Variants in FAT4 observed in about 807,000 individuals in gnomAD.
The protein encoded by FAT4 is FAT atypical cadherin 4.
A neutral mutation model predicts 303.9 loss-of-function variants in FAT4; 84 were observed. The observed-to-expected ratio is 0.28, with a 90% CI of 0.23 to 0.33. The LOEUF (loss-of-function observed/expected upper bound fraction) is 0.33, where lower values mean the gene tolerates loss of function less well. Among genes scored for constraint, FAT4 ranks in the 10% least tolerant of loss-of-function variants. The probability of loss-of-function intolerance (pLI) is 1.00; values close to 1 mark genes in which losing one functional copy is unlikely to be tolerated. For synonymous variants in FAT4, 2,307 were observed against 2,298.8 expected (o/e 1.00, Z -0.10); for missense variants, 6,005 against 6,146.8 (o/e 0.98, Z 0.77).
chr4:125,318,750 C>T lies in FAT4; in HGVS notation c.2339C>T (p.Thr780Ile). The change falls in exon 2 of 18, where the codon ACC becomes ATC. Residue 780 changes from threonine (T) to isoleucine (I), a missense_variant. Physicochemically the swap from Thr to Ile is moderately conservative, Grantham distance 89. Transcript: ENST00000394329. ...CAATCTCCCAACCAGGCAATAGTAA[C>T]CATCACTGTATTGGACACTCAAGAC... ...NLQSPNQAIV[T>I]ITVLDTQDNP... is the part of the protein sequence containing the mutation. The T allele has an allele frequency of 1.9e-6, 3 of 1,613,976 alleles. No homozygotes were observed. Among genetic ancestry groups the T allele is most frequent in the Non-Finnish European group, 2.5e-6 (3 of 1,179,906 alleles).
chr4:125,461,222 G>T (rs1172467351), intron 10 of FAT4, among the ~76,000 whole-genome samples: 1 of 151,482 alleles, frequency 6.6e-6, no homozygotes, highest in Non-Finnish European at 1.5e-5. Context: ...TTTTATACAG[G>T]GTTAAATAAG....
At chr4:125,421,139 T>A (rs930377452) in intron 7 of FAT4, among the ~76,000 whole-genome samples, 3 of 152,190 alleles carry the variant, frequency 2.0e-5, no homozygotes, top group African/African-American at 7.2e-5. Flanking sequence ...GCCAGGCTGG[T>A]CTCGAACCCC....
intron 10 of FAT4, among the ~76,000 whole-genome samples, chr4:125,460,117 C>A (rs953891079): frequency 3.9e-5 from 6 of 151,900 alleles, no homozygotes; most frequent in Admixed American, 2.6e-4. Flanking sequence ...TCTGCTATGG[C>A]AACCTCTGAG....
chr4:125,490,740 A>G lies in FAT4; in HGVS notation c.13924A>G (p.Lys4642Glu). Residue 4642 changes from lysine (K) to glutamate (E), a missense_variant, in exon 18 of 18, where the codon AAG (lysine) becomes GAG (glutamate). Transcript: ENST00000394329. The stretch of plus-strand genomic sequence containing the variant: ...GGATGCAGACATCATTCAACACTAC[A>G]AGCAGTTCCGCAGCCACACACCAAA... ...PSDADIIQHY[K>E]QFRSHTPKFS... 1 of 1,614,026 alleles carries G rather than the reference A, an allele frequency of 6.2e-7. No homozygotes were observed. The highest frequency in any genetic ancestry group is 8.5e-7 in the Non-Finnish European group (1 of 1,180,006).
intron 3 of FAT4, 97 bp from the exon 4 acceptor site, chr4:125,406,783 A>G: frequency 7.2e-7 from 1 of 1,389,260 alleles, no homozygotes; most frequent in African/African-American, 1.4e-5. Flanking sequence ...ACTTAAAGCC[A>G]AAAAGCCTTC....
At chr4:125,446,684 T>G (rs2126055032) in intron 9 of FAT4, 141 bp downstream of exon 9, 1 of 826,578 alleles carries the variant, frequency 1.2e-6, no homozygotes, top group East Asian at 2.9e-5. Context: ...GGTTGTTTTG[T>G]CTGATGGAAA....
intron 2 of FAT4, among the ~76,000 whole-genome samples, chr4:125,326,086 C>T (rs1321339427): frequency 6.6e-6 from 1 of 151,886 alleles, no homozygotes; most frequent in Non-Finnish European, 1.5e-5. Context: ...AAAAGAGCCA[C>T]TCGAAATAAT....
chr4:125,411,375 G>C (rs1363346219), intron 5 of FAT4, among the ~76,000 whole-genome samples: 1 of 151,960 alleles, frequency 6.6e-6, no homozygotes, highest in South Asian at 2.1e-4. Flanking sequence ...TGGCTTTGAT[G>C]GTTATTTCGT....
chr4:125,424,621 A>C (rs17009635), intron 7 of FAT4, among the ~76,000 whole-genome samples: 22,835 of 152,142 alleles, frequency 0.15, 1,878 homozygotes, highest in South Asian at 0.27. Flanking sequence ...TTGCTTTTTC[A>C]CAAAATGTTT....
At position 125,448,925 on chromosome 4, in the gene FAT4, G is replaced by A; in HGVS notation, c.7915G>A (p.Val2639Ile). The A allele has an allele frequency of 6.2e-7, 1 of 1,613,160 alleles. No homozygotes were observed. ...LDFEKIQKYV[V>I]WIEARDGGFP... ...TTTTGAAAAGATACAAAAATATGTT[G>A]TATGGATAGAGGCCAGAGACGGTGG... Residue 2639 changes from valine to isoleucine, a missense_variant, in exon 10 of 18, where the codon GTA becomes ATA. Val to Ile is a conservative substitution (Grantham distance 29). Coordinates refer to ENST00000394329, the MANE Select transcript of FAT4 (RefSeq NM_001291303.3).
At chr4:125,396,893 A>G (rs773142381) in intron 2 of FAT4, among the ~76,000 whole-genome samples, 1 of 149,610 alleles carries the variant, frequency 6.7e-6, no homozygotes. Flanking sequence ...TCTGAAGAAC[A>G]TTCATTACAT....
Position 125,490,724 on chromosome 4 carries a change from C to T in FAT4, c.13908C>T (p.Asp4636=), listed in dbSNP as rs759978355. The T allele has an allele frequency of 1.9e-6, 3 of 1,614,108 alleles. No individual in the cohort carries two copies. The South Asian group carries it at 3.3e-5, about 18-fold the overall frequency. The stretch of plus-strand genomic sequence containing the variant: ...GCAGCATCGCCCCTTCGGATGCAGA[C>T]ATCATTCAACACTACAAGCAGTTCC... ...NASSIAPSDA[D]IIQHYKQFRS... Residue 4636 remains aspartate, a synonymous_variant, in exon 18 of 18, where the codon GAC becomes GAT. Coordinates refer to ENST00000394329, the MANE Select transcript of FAT4 (RefSeq NM_001291303.3).
chr4:125,439,335 C>CT (rs748291081), intron 8 of FAT4, among the ~76,000 whole-genome samples: 5,939 of 139,964 alleles, frequency 0.042, 313 homozygotes, highest in African/African-American at 0.11. Flanking sequence ...GATTTCTTTT[C>CT]TTTTTTTTTT....
intron 6 of FAT4, 113 bp from the exon 7 acceptor site, chr4:125,416,335 T>A (rs1206712555): frequency 1.1e-6 from 1 of 933,434 alleles, no homozygotes; most frequent in Non-Finnish European, 1.6e-6. Flanking sequence ...TCTAAAAATA[T>A]ATCTTTGGAA....
At chr4:125,337,701 C>T (rs1731627549) in intron 2 of FAT4, among the ~76,000 whole-genome samples, 1 of 152,022 alleles carries the variant, frequency 6.6e-6, no homozygotes, top group South Asian at 2.1e-4. Context: ...TTAAGGATTA[C>T]TGTTATTACA....
chr4:125,406,325 T>C (rs981482839), intron 3 of FAT4, among the ~76,000 whole-genome samples: 1 of 152,188 alleles, frequency 6.6e-6, no homozygotes, highest in African/African-American at 2.4e-5. Flanking sequence ...GATTTATTTA[T>C]AGGCGTTCTA....
rs1265522395 is a variant in FAT4 at position 125,450,953 on chromosome 4, A to G, written c.9943A>G (p.Lys3315Glu). The change falls in exon 10 of 18, where the codon AAA becomes GAA. Residue 3315 changes from lysine (K) to glutamate (E), a missense_variant. By Grantham distance (56) the Lys-to-Glu change is moderately conservative. Transcript: ENST00000394329. ...YYFEISEAAP[K>E]GTIVGEVFAS... Reference sequence around the variant, plus strand: ...TTTTGAAATCTCAGAAGCAGCTCCTAAAGGTACTATTGTTGGAGAAGTGTT... The same window carrying G: ...TTTTGAAATCTCAGAAGCAGCTCCTGAAGGTACTATTGTTGGAGAAGTGTT... The G allele has an allele frequency of 2.5e-6, 4 of 1,614,122 alleles. No individual in the cohort carries two copies. The highest frequency in any genetic ancestry group is 3.4e-6 in the Non-Finnish European group (4 of 1,180,004).
chr4:125,481,681 A>G lies in FAT4; in HGVS notation c.12765A>G (p.Arg4255=). Residue 4255 remains arginine, a synonymous_variant, in exon 16 of 18, where the codon AGA becomes AGG. Transcript: ENST00000394329. ...GTCTGGAAGTAAAATTTAGGACCAGAAGCGAGAATGGCGTTTTAATCCATA... is the reference window on the plus strand; with the variant it reads ...GTCTGGAAGTAAAATTTAGGACCAGGAGCGAGAATGGCGTTTTAATCCATA... ...VNSLEVKFRT[R]SENGVLIHIQ... 1 of 1,614,044 alleles carries G rather than the reference A, an allele frequency of 6.2e-7. No homozygotes were observed. The highest frequency in any genetic ancestry group is 1.1e-5 in the South Asian group (1 of 91,084).
chr4:125,370,703 G>A (rs1184805795), intron 2 of FAT4, among the ~76,000 whole-genome samples: 1 of 152,096 alleles, frequency 6.6e-6, no homozygotes, highest in Non-Finnish European at 1.5e-5. Context: ...AAGTTTCACT[G>A]GTGATATGGG....
Sources: allele counts gnomAD v4.1 joint callset (sites outside exome capture counted in the v4.1 genomes callset), GRCh38; gene constraint gnomAD v4.1.1; transcripts MANE v1.5; gene names NCBI Gene and HGNC (gene_info 2026-07-23, HGNC 2026-07-21).